Variants in UGT1A5 observed in about 807,000 individuals in gnomAD.
The protein encoded by UGT1A5 is UDP-glucuronosyltransferase 1A5.
UGT1A5 carries 29 observed loss-of-function variants against 40.3 expected under a neutral mutation model. The observed-to-expected ratio is 0.72, with a 90% confidence interval of 0.54 to 0.98. The LOEUF is 0.98. UGT1A5 is among the 50% of genes least tolerant of loss of function. UGT1A5 has a pLI of 0.00. For synonymous variants in UGT1A5, 257 were observed against 262.5 expected (o/e 0.98, Z 0.20); for missense variants, 678 against 677.9 (o/e 1.00, Z 0.00).
chr2:233,733,807 A>T (rs898855226), intron 1 of UGT1A5, among the ~76,000 whole-genome samples: 3 of 152,292 alleles, frequency 2.0e-5, no homozygotes, highest in Admixed American at 6.5e-5. Context: ...TATCAGGATG[A>T]TGCTGGCCTC....
rs528831440 is a variant in UGT1A5, at chr2:233,734,491, G to GT, written c.867+20640dup. Among the ~76,000 whole-genome samples, 467 of 152,022 alleles carry GT rather than the reference G, an allele frequency of 3.1e-3. 1 individual carries two copies. Among genetic ancestry groups the GT allele is most frequent in the Admixed American group, 5.0e-3 (77 of 15,264 alleles). On this transcript the variant is annotated intron_variant, in intron 1 of 4. Coordinates refer to ENST00000373414, the MANE Select transcript of UGT1A5 (RefSeq NM_019078.2). ...CCTGGATTCATTGATTTTTTTGAAG[G>GT]TTTTTTTGTGTCTCTATCTCTTTCA...
At chr2:233,768,026 TG>T (rs1699551071) in intron 3 of UGT1A5, 90 bp downstream of exon 3, 2 of 1,613,156 alleles carry the variant, frequency 1.2e-6, no homozygotes, top group Non-Finnish European at 1.7e-6. Context: ...TTGTTGAGCT[TG>T]AAAATATTAT....
At chr2:233,741,857 T>C (rs1691796983) in intron 1 of UGT1A5, 1 of 151,956 alleles carries the variant, frequency 6.6e-6, no homozygotes, top group Non-Finnish European at 1.5e-5. Flanking sequence ...TCATGCCTTA[T>C]GCAAACCTTT....
At chr2:233,726,448 G>A (rs566259784) in intron 1 of UGT1A5, among the ~76,000 whole-genome samples, 1 of 152,244 alleles carries the variant, frequency 6.6e-6, no homozygotes, top group East Asian at 1.9e-4. Flanking sequence ...TCTTTCCACT[G>A]AATGTAAGCT....
intron 1 of UGT1A5, among the ~76,000 whole-genome samples, chr2:233,719,840 T>A (rs2076807243): frequency 6.6e-6 from 1 of 152,240 alleles, no homozygotes; most frequent in South Asian, 2.1e-4. Flanking sequence ...GCCTAGTGTA[T>A]TTCAAGTTTT....
chr2:233,740,331 G>A (rs533064296), intron 1 of UGT1A5, among the ~76,000 whole-genome samples: 2 of 152,056 alleles, frequency 1.3e-5, no homozygotes, highest in Non-Finnish European at 2.9e-5. Flanking sequence ...CATTTATTGA[G>A]AAAGTTGATG....
intron 1 of UGT1A5, chr2:233,747,709 C>A (rs1194057066): frequency 6.2e-7 from 1 of 1,612,868 alleles, no homozygotes; most frequent in Non-Finnish European, 8.5e-7. Context: ...AAGTACCTAT[C>A]AATTCCTGCT....
At chr2:233,729,649 A>T (rs61764031) in intron 1 of UGT1A5, 1,345 of 1,613,864 alleles carry the variant, frequency 8.3e-4, no homozygotes, top group Non-Finnish European at 1.1e-3. Context: ...TTTTTTGAGG[A>T]ACATTCCATG....
At chr2:233,757,646 G>T (rs1696690182) in intron 1 of UGT1A5, among the ~76,000 whole-genome samples, 1 of 150,442 alleles carries the variant, frequency 6.6e-6, no homozygotes, top group South Asian at 2.1e-4. Context: ...ACAAAATGCT[G>T]TTTTTCTGGG....
At chr2:233,717,835 A>G (rs773677565) in intron 1 of UGT1A5, 3 of 455,164 alleles carry the variant, frequency 6.6e-6, no homozygotes, top group South Asian at 4.7e-5. Flanking sequence ...TTCTGGAGGA[A>G]CCATTCTTAT....
Position 233,768,428 on chromosome 2 carries a change from C to T in UGT1A5, c.1296C>T (p.Ile432=), listed in dbSNP as rs1559415864. The T allele has an allele frequency of 6.2e-7, 1 of 1,613,856 alleles. No homozygotes were observed. Among genetic ancestry groups the T allele is most frequent in the Non-Finnish European group, 8.5e-7 (1 of 1,179,916 alleles). ...TAGAAAATGCTCTAAAAGCAGTCATCAATGACAAAAGGTAAGAAAGAAGAT... is the reference window on the plus strand; with the variant it reads ...TAGAAAATGCTCTAAAAGCAGTCATTAATGACAAAAGGTAAGAAAGAAGAT... ...EDLENALKAV[I]NDKSYKENIM... is the part of the protein sequence containing the mutation. The change falls in exon 4 of 5, where the codon ATC becomes ATT. Residue 432 remains isoleucine, a synonymous_variant. Coordinates refer to ENST00000373414, the MANE Select transcript of UGT1A5 (RefSeq NM_019078.2).
intron 1 of UGT1A5, chr2:233,729,145 G>T (rs564123639): frequency 1.9e-6 from 3 of 1,613,372 alleles, no homozygotes; most frequent in Non-Finnish European, 2.5e-6. Flanking sequence ...AGGACTCCAG[G>T]TTCCCCTGCC....
chr2:233,747,877 A>G, intron 1 of UGT1A5: 2 of 1,613,450 alleles, frequency 1.2e-6, no homozygotes, highest in Non-Finnish European at 1.7e-6. Context: ...GCCCTGTCCT[A>G]CCTTTGCCAT....
In UGT1A5 at chr2:233,740,134, T is replaced by C. The variant is rs143794870; in HGVS notation, c.867+26276T>C. ...CTTATCTCTCACCTTCTGTCATGATTGTAAGTTTCCTGAGGCCTCCCCAGT... is the reference window on the plus strand; with the variant it reads ...CTTATCTCTCACCTTCTGTCATGATCGTAAGTTTCCTGAGGCCTCCCCAGT... On this transcript the variant is annotated intron_variant, in intron 1 of 4. Transcript: ENST00000373414. Among the ~76,000 whole-genome samples the C allele has an allele frequency of 9.1e-3, 1,384 of 152,004 alleles. 51 individuals carry two copies. The highest frequency in any genetic ancestry group is 0.032 in the African/African-American group (1,337 of 41,236).
chr2:233,747,283 C>A (rs1693610010), intron 1 of UGT1A5: 1 of 1,600,180 alleles, frequency 6.2e-7, no homozygotes, highest in Admixed American at 1.7e-5. Flanking sequence ...CAGTGCCCAG[C>A]CCTGGGCTGA....
Position 233,767,180 on chromosome 2 carries a change from T to C in UGT1A5, c.999+15T>C, listed in dbSNP as rs4148327. 1,996 of 1,614,008 alleles carry C rather than the reference T, an allele frequency of 1.2e-3. 35 individuals are homozygous for C. In the East Asian group the frequency reaches 0.04, roughly 32 times the overall value. On this transcript the variant is annotated intron_variant, in intron 2 of 4. Transcript: ENST00000373414. Reference sequence around the variant, plus strand: ...TCCCTCAGACAGTAAGAAGATTCTATACCATGGCCTCATATCTATTTTCAC... The same window carrying C: ...TCCCTCAGACAGTAAGAAGATTCTACACCATGGCCTCATATCTATTTTCAC...
At chr2:233,745,164 A>G (rs2125868449) in intron 1 of UGT1A5, among the ~76,000 whole-genome samples, 1 of 151,968 alleles carries the variant, frequency 6.6e-6, no homozygotes, top group South Asian at 2.1e-4. Context: ...TCAAATGTGC[A>G]TGTTATTCAC....
rs368401609 is a variant in UGT1A5 at position 233,757,130 on chromosome 2, G to C, written c.868-9904G>C. 6.6e-5 allele frequency among the ~76,000 whole-genome samples: 10 copies of C among 151,528 alleles called. No homozygotes were observed. The East Asian group carries it at 9.8e-4, about 15-fold the overall frequency. ...AGCAGAAGGGCTAGAGAGGAGGAAT[G>C]AGCTTGGACAGGTGGGCTGGGGTCT... On this transcript the variant is annotated intron_variant, in intron 1 of 4. Coordinates refer to ENST00000373414, the MANE Select transcript of UGT1A5 (RefSeq NM_019078.2).
At chr2:233,721,475 C>T (rs1272285842) in intron 1 of UGT1A5, 9 of 174,082 alleles carry the variant, frequency 5.2e-5, no homozygotes, top group Admixed American at 4.3e-4. Context: ...TATCTGTTAT[C>T]ATTCTTATTA....
Sources: allele counts gnomAD v4.1 joint callset (sites outside exome capture counted in the v4.1 genomes callset), GRCh38; gene constraint gnomAD v4.1.1; transcripts MANE v1.5; gene names NCBI Gene and HGNC (gene_info 2026-07-23, HGNC 2026-07-21).